OSBPL10: variants seen among roughly 807,000 people sequenced by gnomAD.
The protein encoded by OSBPL10 is oxysterol binding protein like 10, also known as oxysterol-binding protein-related protein 10.
Under a neutral mutation model 81.7 loss-of-function variants are expected in OSBPL10, and 49 were observed. The observed-to-expected ratio is 0.60, with a 90% confidence interval of 0.48 to 0.76. OSBPL10 has a LOEUF of 0.76. Ranked by LOEUF, OSBPL10 falls within the 30% of genes least tolerant of loss-of-function variation. The pLI is 0.00. For synonymous variants in OSBPL10, 419 were observed against 383.6 expected (o/e 1.09, Z -1.08); for missense variants, 923 against 987.8 (o/e 0.93, Z 0.88).
chr3:31,916,870 A>C (rs192381711), intron 1 of OSBPL10, among the ~76,000 whole-genome samples: 1 of 152,332 alleles, frequency 6.6e-6, no homozygotes, highest in South Asian at 2.1e-4. Flanking sequence ...ATGGTTGCTT[A>C]TCTCTGCTTT....
intron 5 of OSBPL10, among the ~76,000 whole-genome samples, chr3:31,734,100 G>A (rs1422105358): frequency 6.6e-6 from 1 of 152,066 alleles, no homozygotes; most frequent in African/African-American, 2.4e-5. Context: ...AATTCTAAGT[G>A]ACACAATGGC....
intron 4 of OSBPL10, among the ~76,000 whole-genome samples, chr3:31,758,230 T>G (rs543134535): frequency 3.3e-5 from 5 of 152,192 alleles, no homozygotes; most frequent in Admixed American, 6.5e-5. Context: ...CATGTATACA[T>G]GATATGTACA....
chr3:31,768,439 T>C (rs1698265768), intron 4 of OSBPL10, among the ~76,000 whole-genome samples: 1 of 152,198 alleles, frequency 6.6e-6, no homozygotes. Context: ...TGTCTCCCTT[T>C]AGACTTATCT....
chr3:31,768,710 CTG>C lies in OSBPL10; in HGVS notation c.730-20592_730-20591del, dbSNP rs1698272670. On this transcript the variant is annotated intron_variant, in intron 4 of 11. Transcript: ENST00000396556. The stretch of plus-strand genomic sequence containing the variant: ...GGCTTCTGACTGTATACTTCACCCT[CTG>C]TGCCACCCCAACGCATCAGGAACCC... 2.6e-5 allele frequency among the ~76,000 whole-genome samples: 4 copies of C among 152,348 alleles called. No homozygotes were observed. The South Asian group carries it at 6.2e-4, about 24-fold the overall frequency.
intron 4 of OSBPL10, among the ~76,000 whole-genome samples, chr3:31,783,841 TATATATATATATATATATGA>T (rs1698788240): frequency 1.0e-5 from 1 of 100,478 alleles, no homozygotes; most frequent in African/African-American, 4.1e-5. Flanking sequence ...TATATATATA[TATATATATATATATATATGA>T]ATGAATAAAT....
intron 3 of OSBPL10, among the ~76,000 whole-genome samples, chr3:31,861,471 T>C (rs1170125885): frequency 6.6e-6 from 1 of 151,750 alleles, no homozygotes; most frequent in African/African-American, 2.4e-5. Context: ...ACAGATGCAA[T>C]TTTTTTTAGA....
At chr3:32,055,697 G>T (rs763660203) in intron 1 of OSBPL10, among the ~76,000 whole-genome samples, 1 of 152,102 alleles carries the variant, frequency 6.6e-6, no homozygotes, top group Non-Finnish European at 1.5e-5. Context: ...GACTGGAATC[G>T]CCTGCTTTCC....
intron 1 of OSBPL10, among the ~76,000 whole-genome samples, chr3:31,971,817 G>A (rs943891401): frequency 6.6e-6 from 1 of 152,062 alleles, no homozygotes; most frequent in Non-Finnish European, 1.5e-5. Context: ...AGGAGCACTC[G>A]GTAGTTGCCA....
chr3:31,703,324 C>T (rs1695957577), intron 6 of OSBPL10, among the ~76,000 whole-genome samples: 1 of 152,152 alleles, frequency 6.6e-6, no homozygotes, highest in South Asian at 2.1e-4. Context: ...ATTCCACACT[C>T]CACATTTACC....
At chr3:32,030,563 G>T (rs540532443) in intron 2 of OSBPL10, 1 of 787,870 alleles carries the variant, frequency 1.3e-6, no homozygotes, top group Admixed American at 1.7e-5. Context: ...AAAGACAAAC[G>T]TACCTGGGTT....
rs1697226507 is a variant in OSBPL10, at chr3:31,930,966, A to AT, written c.281+49932dup. On this transcript the variant is annotated intron_variant, in intron 1 of 11. Coordinates refer to ENST00000396556, the MANE Select transcript of OSBPL10 (RefSeq NM_017784.5). Reference sequence around the variant, plus strand: ...GAGGCGGAGCTTGCAGTGAGCCGAGATCCCCCCCACTGCACTCCAGCCTGG... The same window carrying AT: ...GAGGCGGAGCTTGCAGTGAGCCGAGATTCCCCCCCACTGCACTCCAGCCTGG... Among the ~76,000 whole-genome samples the AT allele has an allele frequency of 2.8e-5, 4 of 141,168 alleles. No homozygotes were observed. The Admixed American group carries it at 3.0e-4, about 11-fold the overall frequency. The allele number at this position is 141,168 out of a possible 152,430, so 92.6% of individuals were successfully genotyped here.
intron 1 of OSBPL10, among the ~76,000 whole-genome samples, chr3:32,068,713 A>G (rs1047987611): frequency 6.6e-6 from 1 of 151,894 alleles, no homozygotes; most frequent in Non-Finnish European, 1.5e-5. Context: ...GGTGCCTTAC[A>G]TCCAGGCATT....
intron 1 of OSBPL10, among the ~76,000 whole-genome samples, chr3:31,975,911 G>A (rs1461076259): frequency 6.6e-6 from 1 of 152,162 alleles, no homozygotes; most frequent in Non-Finnish European, 1.5e-5. Flanking sequence ...TGTCCTCAGG[G>A]AGCTTATACT....
chr3:32,067,524 A>G (rs1414138259), intron 1 of OSBPL10, among the ~76,000 whole-genome samples: 1 of 152,188 alleles, frequency 6.6e-6, no homozygotes, highest in Non-Finnish European at 1.5e-5. Context: ...GCACATATAC[A>G]TCCAGATGGC....
chr3:31,685,181 AT>A (rs1700760039), intron 7 of OSBPL10, among the ~76,000 whole-genome samples: 2 of 152,150 alleles, frequency 1.3e-5, no homozygotes, highest in Non-Finnish European at 1.5e-5. Flanking sequence ...GTGATCTTAA[AT>A]TAACTTGAAA....
intron 4 of OSBPL10, among the ~76,000 whole-genome samples, chr3:31,817,014 G>A (rs575400597): frequency 4.6e-5 from 7 of 152,200 alleles, no homozygotes; most frequent in African/African-American, 4.8e-5. Flanking sequence ...TGGCCATCTC[G>A]TCTCTGCCCA....
chr3:31,957,527 A>C (rs1344175943), intron 1 of OSBPL10, among the ~76,000 whole-genome samples: 1 of 152,236 alleles, frequency 6.6e-6, no homozygotes, highest in Non-Finnish European at 1.5e-5. Context: ...AGGAGCCTTG[A>C]AATATTTTGA....
intron 6 of OSBPL10, among the ~76,000 whole-genome samples, chr3:31,720,595 G>C (rs1474583962): frequency 6.6e-6 from 1 of 152,100 alleles, no homozygotes; most frequent in Non-Finnish European, 1.5e-5. Context: ...TGCTGCTGTA[G>C]GTGGGAAAAT....
At chr3:31,864,791 G>A (rs1172345568) in intron 3 of OSBPL10, among the ~76,000 whole-genome samples, 2 of 152,144 alleles carry the variant, frequency 1.3e-5, no homozygotes, top group Non-Finnish European at 2.9e-5. Context: ...GAAGTTTGGT[G>A]CCACTAACGA....
Sources: gnomAD v4.1 joint callset for allele counts (sites outside exome capture counted in the v4.1 genomes callset) on GRCh38, gnomAD v4.1.1 for gene constraint, MANE v1.5 for transcripts, NCBI Gene and HGNC (gene_info 2026-07-23, HGNC 2026-07-21) for gene names.